ACTN1: variants seen among roughly 807,000 people sequenced by gnomAD.
ACTN1 encodes actinin alpha 1.
In ACTN1, 30 loss-of-function variants were observed where a neutral mutation model predicts 119.6. The ratio of observed to expected loss-of-function variants is 0.25; its 90% CI spans 0.19 to 0.34. The LOEUF (loss-of-function observed/expected upper bound fraction) is 0.34. ACTN1 is among the 10% of genes least tolerant of loss of function. ACTN1 has a pLI of 1.00. For missense variants in ACTN1, 764 were observed against 1,223.4 expected, an observed-to-expected ratio of 0.62 and a Z score of 5.60; for synonymous variants, 429 against 472.6, an observed-to-expected ratio of 0.91 and a Z score of 1.20.
intron 21 of ACTN1, among the ~76,000 whole-genome samples, chr14:68,875,961 T>C (rs2030841159): frequency 6.6e-6 from 1 of 152,220 alleles, no homozygotes; most frequent in African/African-American, 2.4e-5. Context: ...CCAGAAATTA[T>C]ATTCCCTCCC....
intron 1 of ACTN1, among the ~76,000 whole-genome samples, chr14:68,953,144 C>G (rs929420664): frequency 6.6e-6 from 1 of 152,146 alleles, no homozygotes; most frequent in African/African-American, 2.4e-5. Context: ...CTCTAGAAAA[C>G]AGGGTGAATA....
At position 68,921,143 on chromosome 14, in the gene ACTN1, G is replaced by C; in HGVS notation, c.221-18C>G. On this transcript the variant is annotated intron_variant, in intron 2 of 21. Transcript: ENST00000394419. ...GCGTTCACCTGTTTGGATCAAGAGG[G>C]AGGAAGAGGAAGGTGAGACGCTATG... 2 of 1,613,444 alleles carry C rather than the reference G, an allele frequency of 1.2e-6. No homozygotes were observed. The highest frequency in any genetic ancestry group is 1.7e-6 in the Non-Finnish European group (2 of 1,179,664).
chr14:68,967,143 C>G (rs975008938), intron 1 of ACTN1, among the ~76,000 whole-genome samples: 22 of 152,192 alleles, frequency 1.4e-4, no homozygotes, highest in African/African-American at 5.3e-4. Context: ...TTCCCTGGCC[C>G]CTGTCCTCCT....
At chr14:68,957,766 G>T (rs1193020082) in intron 1 of ACTN1, among the ~76,000 whole-genome samples, 2 of 152,072 alleles carry the variant, frequency 1.3e-5, no homozygotes, top group Non-Finnish European at 2.9e-5. Flanking sequence ...CATGGGAAGG[G>T]GTCTCCCTGC....
intron 2 of ACTN1, among the ~76,000 whole-genome samples, chr14:68,924,944 C>A (rs534955874): frequency 6.6e-6 from 1 of 152,078 alleles, no homozygotes; most frequent in Non-Finnish European, 1.5e-5. Flanking sequence ...AGACGCCCAG[C>A]GAGGTTCAGC....
intron 21 of ACTN1, 65 bp downstream of exon 21, chr14:68,877,017 C>A (rs1566585247): frequency 6.3e-7 from 1 of 1,585,426 alleles, no homozygotes; most frequent in East Asian, 2.3e-5. Context: ...AGCTCTCACC[C>A]CTTTAGATCA....
At chr14:68,971,935 C>T (rs1434500598) in intron 1 of ACTN1, among the ~76,000 whole-genome samples, 3 of 152,210 alleles carry the variant, frequency 2.0e-5, no homozygotes, top group Non-Finnish European at 4.4e-5. Context: ...GATTGCTAGG[C>T]AACCTCCAAG....
chr14:68,906,246 A>C (rs1168959512), intron 6 of ACTN1, among the ~76,000 whole-genome samples: 1 of 152,166 alleles, frequency 6.6e-6, no homozygotes. Flanking sequence ...TTTGTTTTGT[A>C]TATTGTACCA....
chr14:68,978,586 G>T (rs530173262), intron 1 of ACTN1: 195 of 285,896 alleles, frequency 6.8e-4, no homozygotes, highest in African/African-American at 3.9e-3. Context: ...TCCGGAGCAA[G>T]CAGCCCCGAG....
rs2031399843 is a variant in ACTN1, at chr14:68,880,464, T to TAAACACACACACACAC, written c.2133+345_2133+346insGTGTGTGTGTGTGTTT. On this transcript the variant is annotated intron_variant, in intron 17 of 21. Coordinates refer to ENST00000394419, the MANE Select transcript of ACTN1 (RefSeq NM_001130004.2). The surrounding 1 kb of genome is among the most constrained non-coding windows in gnomAD (Gnocchi z 4.6). ...CCACAGCCACGCGCGCACACACACA[T>TAAACACACACACACAC]ACACACACACACACTCTTGCACAGT... is the stretch of plus-strand genomic sequence containing the variant. 6.6e-6 allele frequency among the ~76,000 whole-genome samples: 1 copy of TAAACACACACACACAC among 151,274 alleles called. No individual in the cohort carries two copies. The highest frequency in any genetic ancestry group is 1.5e-5 in the Non-Finnish European group (1 of 67,800).
intron 16 of ACTN1, among the ~76,000 whole-genome samples, chr14:68,881,512 T>C (rs1055362719): frequency 2.0e-5 from 3 of 152,190 alleles, no homozygotes; most frequent in Non-Finnish European, 4.4e-5. Context: ...TATTCATCCA[T>C]GTAAACAACC....
intron 1 of ACTN1, among the ~76,000 whole-genome samples, chr14:68,944,662 G>T (rs1359837177): frequency 6.6e-6 from 1 of 152,146 alleles, no homozygotes; most frequent in Non-Finnish European, 1.5e-5. Flanking sequence ...TGATCCTGGG[G>T]GGCTGTAGGG....
At position 68,882,071 on chromosome 14, in the gene ACTN1, G is replaced by C. The variant is rs907824237; in HGVS notation, c.1953+387C>G. Among the ~76,000 whole-genome samples the C allele has an allele frequency of 6.6e-6, 1 of 151,222 alleles. No homozygotes were observed. Among genetic ancestry groups the C allele is most frequent in the Non-Finnish European group, 1.5e-5 (1 of 67,924 alleles). The stretch of plus-strand genomic sequence containing the variant: ...CTGCCTCAGGCTCCCAAGTAGCTGG[G>C]ATTATAGGCACGCATCATCACACCC... On this transcript the variant is annotated intron_variant, in intron 16 of 21. Coordinates refer to ENST00000394419, the MANE Select transcript of ACTN1 (RefSeq NM_001130004.2). This position sits in a 1 kb window ranked among gnomAD's most constrained non-coding sequence, Gnocchi z 4.5.
intron 1 of ACTN1, among the ~76,000 whole-genome samples, chr14:68,962,438 G>T (rs1374155297): frequency 6.6e-6 from 1 of 152,116 alleles, no homozygotes; most frequent in East Asian, 1.9e-4. Context: ...AGCACCATTT[G>T]CCTGTGCCCA....
At chr14:68,895,225 A>T (rs2032784430) in intron 8 of ACTN1, among the ~76,000 whole-genome samples, 1 of 151,986 alleles carries the variant, frequency 6.6e-6, no homozygotes, top group South Asian at 2.1e-4. Context: ...GGCCTCAAGA[A>T]ACTGAGACAG....
chr14:68,959,553 C>G (rs905611711), intron 1 of ACTN1, among the ~76,000 whole-genome samples: 2 of 152,160 alleles, frequency 1.3e-5, no homozygotes, highest in African/African-American at 4.8e-5. Flanking sequence ...AGCTCAGAAC[C>G]AGGGTCAGGG....
intron 1 of ACTN1, among the ~76,000 whole-genome samples, chr14:68,931,506 G>A (rs2035219807): frequency 6.6e-6 from 1 of 152,222 alleles, no homozygotes; most frequent in South Asian, 2.1e-4. Context: ...TTCCATGAAT[G>A]AGTGAGTAAA....
At position 68,885,289 on chromosome 14, in the gene ACTN1, G is replaced by A. The variant is rs181466; in HGVS notation, c.1385+136C>T. 8.6e-7 allele frequency: 1 copy of A among 1,168,434 alleles called. No individual in the cohort carries two copies. The highest frequency in any genetic ancestry group is 1.2e-6 in the Non-Finnish European group (1 of 855,862). 72.4% of individuals were successfully genotyped at this position (1,168,434 alleles called of 1,614,324 possible). On this transcript the variant is annotated intron_variant, in intron 12 of 21. Transcript: ENST00000394419. The surrounding 1 kb of genome is among the most constrained non-coding windows in gnomAD (Gnocchi z 5.6). ...AGGAGAGATATTTGTCTCCTGCGTTGACTCCCTCCCCACCTGGGCACCCAC... is the reference window on the plus strand; with the variant it reads ...AGGAGAGATATTTGTCTCCTGCGTTAACTCCCTCCCCACCTGGGCACCCAC...
In ACTN1 at chr14:68,880,872, C is replaced by T. The variant is rs763573834; in HGVS notation, c.2071G>A (p.Asp691Asn). The T allele has an allele frequency of 6.8e-6, 11 of 1,613,906 alleles. No homozygotes were observed. The highest frequency in any genetic ancestry group is 3.3e-5 in the Admixed American group (2 of 59,992). ...AGCGCCTCCTGGATGAGCTGGTGGT[C>T]GCCCTCCAGCTGATCAATCTTTGGC... Reference protein sequence around the residue: ...YKPKIDQLEGDHQLIQEALIF... With the variant: ...YKPKIDQLEGNHQLIQEALIF... Residue 691 changes from aspartate to asparagine, a missense_variant, in exon 17 of 22, where the codon GAC becomes AAC. By Grantham distance (23) the Asp-to-Asn change is conservative. Around this residue, in one of 4 missense-constraint regions of ACTN1, gnomAD observed 544 missense variants for 912.0 expected, o/e 0.60. Transcript: ENST00000394419. This position sits in a 1 kb window ranked among gnomAD's most constrained non-coding sequence, Gnocchi z 4.6.
Sources: allele counts gnomAD v4.1 joint callset (sites outside exome capture counted in the v4.1 genomes callset), GRCh38; gene constraint gnomAD v4.1.1; regional missense constraint gnomAD v4.1.1; non-coding constraint Gnocchi (gnomAD v3.1); transcripts MANE v1.5; gene names NCBI Gene and HGNC (gene_info 2026-07-23, HGNC 2026-07-21).